The following KCTD1 variants were observed in gnomAD, a reference collection of about 807,000 sequenced individuals.
The protein encoded by KCTD1 is BTB/POZ domain-containing protein KCTD1.
KCTD1 carries 24 observed loss-of-function variants against 66.0 expected under a neutral mutation model. The ratio of observed to expected loss-of-function variants is 0.36; its 90% CI spans 0.26 to 0.51. KCTD1 has a LOEUF of 0.51. Ranked by LOEUF, KCTD1 falls within the 20% of genes least tolerant of loss-of-function variation. The probability of loss-of-function intolerance (pLI) is 0.95; values close to 1 mark genes in which losing one functional copy is unlikely to be tolerated. For missense variants in KCTD1, 943 were observed against 1,205.2 expected, an observed-to-expected ratio of 0.78 and a Z score of 3.22; for synonymous variants, 511 against 517.2, an observed-to-expected ratio of 0.99 and a Z score of 0.16.
At chr18:26,492,715 G>A (rs908403753) in intron 2 of KCTD1, among the ~76,000 whole-genome samples, 2 of 152,080 alleles carry the variant, frequency 1.3e-5, no homozygotes, top group East Asian at 1.9e-4. Context: ...GGGAGCTGGA[G>A]GCCTGGCTCT....
chr18:26,548,440 C>G lies in KCTD1; in HGVS notation c.97G>C (p.Glu33Gln). 15 of 1,370,196 alleles carry G rather than the reference C, an allele frequency of 1.1e-5. No homozygotes were observed. Among genetic ancestry groups the G allele is most frequent in the Non-Finnish European group, 1.4e-5 (15 of 1,064,810 alleles). The allele number at this position is 1,370,196 out of a possible 1,614,324, so 84.9% of individuals were successfully genotyped here. The change falls in exon 1 of 5, where the codon GAG becomes CAG. Residue 33 changes from glutamate (E) to glutamine (Q), a missense_variant. Physicochemically the swap from Glu to Gln is conservative, Grantham distance 29. Transcript: ENST00000580059. The part of the protein sequence containing the change: ...AAAENNGERG[E>Q]GERGAGGRGR... ...CGGCCCCCCGCGCCGCGCTCGCCCT[C>G]GCCCCGCTCCCCATTGTTCTCGGCG...
chr18:26,606,933 T>G (rs1987029103), intron 1 of KCTD1, among the ~76,000 whole-genome samples: 1 of 152,256 alleles, frequency 6.6e-6, no homozygotes, highest in African/African-American at 2.4e-5. Context: ...TTTTTCAGCT[T>G]AGTAAACTCC....
intron 1 of KCTD1, among the ~76,000 whole-genome samples, chr18:26,599,207 T>A (rs891624355): frequency 3.3e-5 from 5 of 152,256 alleles, no homozygotes; most frequent in Non-Finnish European, 7.3e-5. Context: ...TTATTTCATT[T>A]TTGTCACATT....
At chr18:26,490,756 G>T (rs1982152957) in intron 2 of KCTD1, among the ~76,000 whole-genome samples, 1 of 151,530 alleles carries the variant, frequency 6.6e-6, no homozygotes, top group Non-Finnish European at 1.5e-5. Context: ...TAGGTTTAGA[G>T]GGCTTTTTTT....
At chr18:26,654,447 A>G (rs1376232198) in intron 1 of KCTD1, among the ~76,000 whole-genome samples, 28 of 152,182 alleles carry the variant, frequency 1.8e-4, no homozygotes, top group Admixed American at 1.8e-3. Flanking sequence ...AAATCACATT[A>G]CTTAAGTAAA....
chr18:26,617,563 T>A (rs1370355447), intron 1 of KCTD1, among the ~76,000 whole-genome samples: 1 of 152,206 alleles, frequency 6.6e-6, no homozygotes, highest in Non-Finnish European at 1.5e-5. Flanking sequence ...GGAATAATGT[T>A]TTATAAATGA....
At chr18:26,549,833 G>A (rs563005969), upstream of KCTD1, 12 of 984,606 alleles carry the variant, frequency 1.2e-5, no homozygotes, top group Non-Finnish European at 1.3e-5. Context: ...GAGCTCGCCG[G>A]GTCTCGCTTT....
intron 1 of KCTD1, among the ~76,000 whole-genome samples, chr18:26,583,222 T>C (rs1298525868): frequency 6.6e-6 from 1 of 151,636 alleles, no homozygotes; most frequent in Non-Finnish European, 1.5e-5. Flanking sequence ...GGTGAAACCC[T>C]GTCTCTACTA....
At chr18:26,558,742 T>TA (rs1985770626) in intron 1 of KCTD1, among the ~76,000 whole-genome samples, 1 of 151,850 alleles carries the variant, frequency 6.6e-6, no homozygotes, top group Non-Finnish European at 1.5e-5. Context: ...GCCAACATGG[T>TA]GAAACCCCGT....
intron 3 of KCTD1, among the ~76,000 whole-genome samples, chr18:26,473,018 G>T (rs1318276135): frequency 1.3e-5 from 2 of 152,164 alleles, no homozygotes. Flanking sequence ...TTTGGCCTTG[G>T]GCCTGCAGAG....
chr18:26,536,493 A>G (rs941458310), intron 1 of KCTD1, among the ~76,000 whole-genome samples: 3 of 152,184 alleles, frequency 2.0e-5, no homozygotes, highest in Non-Finnish European at 2.9e-5. Context: ...TTCCCCATAC[A>G]TGCACTTCAG....
chr18:26,585,367 G>T (rs1006316717), intron 1 of KCTD1, among the ~76,000 whole-genome samples: 1 of 152,258 alleles, frequency 6.6e-6, no homozygotes, highest in Non-Finnish European at 1.5e-5. Flanking sequence ...AAAGAATTCA[G>T]TGTTTGACTA....
upstream of KCTD1, among the ~76,000 whole-genome samples, chr18:26,642,360 C>T (rs144606831): frequency 2.6e-5 from 4 of 152,110 alleles, no homozygotes; most frequent in Non-Finnish European, 4.4e-5. Context: ...GCCTCTCGGG[C>T]GTGTCCTGTG....
chr18:26,626,919 C>T (rs1987514734), intron 1 of KCTD1, among the ~76,000 whole-genome samples: 1 of 152,166 alleles, frequency 6.6e-6, no homozygotes, highest in Admixed American at 6.5e-5. Context: ...GCCACTACGG[C>T]TGAACAAAGG....
chr18:26,620,228 C>T (rs1987343478), intron 1 of KCTD1, among the ~76,000 whole-genome samples: 1 of 151,748 alleles, frequency 6.6e-6, no homozygotes, highest in South Asian at 2.1e-4. Context: ...GGCTAAAAGG[C>T]CCTGGTAGAA....
At chr18:26,467,573 T>C (rs566864626) in intron 3 of KCTD1, among the ~76,000 whole-genome samples, 2 of 151,638 alleles carry the variant, frequency 1.3e-5, no homozygotes, top group South Asian at 2.1e-4. Context: ...CCCAGCACTT[T>C]GGGAGGCCGA....
intron 1 of KCTD1, among the ~76,000 whole-genome samples, chr18:26,594,231 C>T (rs1304114024): frequency 6.6e-6 from 1 of 152,136 alleles, no homozygotes; most frequent in African/African-American, 2.4e-5. Flanking sequence ...CTGCCAGTGA[C>T]TGGGAGGGGA....
rs1987752959 is a variant in KCTD1 at position 26,637,715 on chromosome 18, A to G, written c.-107+2596T>C. On this transcript the variant is annotated intron_variant, in intron 1 of 5. Transcript: ENST00000579973. Reference sequence around the variant, plus strand: ...TGATTCAGCGGTCGGCTCACCCTAGAGGCAGTGTCTCTAATGGGAGGAGCC... The same window carrying G: ...TGATTCAGCGGTCGGCTCACCCTAGGGGCAGTGTCTCTAATGGGAGGAGCC... Among the ~76,000 whole-genome samples, 2 of 152,216 alleles carry G rather than the reference A, an allele frequency of 1.3e-5. 1 individual carries two copies. Among genetic ancestry groups the G allele is most frequent in the South Asian group, 4.1e-4 (2 of 4,832 alleles).
chr18:26,566,452 A>G (rs1985982328), intron 1 of KCTD1: 1 of 152,260 alleles, frequency 6.6e-6, no homozygotes, highest in Non-Finnish European at 1.5e-5. Context: ...CTGTCCTGAA[A>G]TAAACTGACA....
Sources: allele counts gnomAD v4.1 joint callset (sites outside exome capture counted in the v4.1 genomes callset), GRCh38; gene constraint gnomAD v4.1.1; transcripts MANE v1.5; gene names NCBI Gene and HGNC (gene_info 2026-07-23, HGNC 2026-07-21).